The following PCDH7 variants were observed in gnomAD, a reference collection of about 807,000 sequenced individuals.
PCDH7 encodes protocadherin 7.
PCDH7 carries 17 observed loss-of-function variants against 58.9 expected under a neutral mutation model. The ratio of observed to expected loss-of-function variants is 0.29; its 90% CI spans 0.20 to 0.43. The LOEUF (loss-of-function observed/expected upper bound fraction) is 0.43. Ranked by LOEUF, PCDH7 falls within the 20% of genes least tolerant of loss-of-function variation. The pLI, the probability that PCDH7 is intolerant of heterozygous loss-of-function variation, is 1.00. For missense variants in PCDH7, 1,274 were observed against 1,441.0 expected (o/e 0.88, Z 1.88); for synonymous variants, 664 against 616.4 (o/e 1.08, Z -1.14).
chr4:30,822,130 C>T (rs989066408), intron 1 of PCDH7, among the ~76,000 whole-genome samples: 1 of 151,960 alleles, frequency 6.6e-6, no homozygotes, highest in South Asian at 2.1e-4. Flanking sequence ...CCTCTCTCTT[C>T]CAGGCATGAC....
At chr4:30,755,809 G>A (rs550685579) in intron 1 of PCDH7, among the ~76,000 whole-genome samples, 11 of 152,142 alleles carry the variant, frequency 7.2e-5, no homozygotes, top group South Asian at 4.1e-4. Flanking sequence ...GGCCAGGTGC[G>A]GTGGCTCACA....
intron 3 of PCDH7, among the ~76,000 whole-genome samples, chr4:31,067,631 A>G (rs1201334350): frequency 6.6e-6 from 1 of 151,946 alleles, no homozygotes; most frequent in Non-Finnish European, 1.5e-5. Flanking sequence ...GACCAGGAAG[A>G]ATATAAATAT....
intron 1 of PCDH7, among the ~76,000 whole-genome samples, chr4:30,797,523 C>G (rs1724954089): frequency 6.6e-6 from 1 of 152,180 alleles, no homozygotes; most frequent in Non-Finnish European, 1.5e-5. Flanking sequence ...ATCTGCCCGC[C>G]TCGGTCTCCC....
At chr4:30,770,738 T>C (rs1024849979) in intron 1 of PCDH7, among the ~76,000 whole-genome samples, 9 of 152,132 alleles carry the variant, frequency 5.9e-5, no homozygotes, top group African/African-American at 2.2e-4. Flanking sequence ...AACTGGAAAA[T>C]TGAACAAAAA....
intron 1 of PCDH7, among the ~76,000 whole-genome samples, chr4:30,811,498 G>T (rs1727006255): frequency 1.3e-5 from 2 of 152,122 alleles, no homozygotes; most frequent in South Asian, 4.1e-4. Context: ...CTAATGAAGT[G>T]CTATGGAAAA....
intron 1 of PCDH7, among the ~76,000 whole-genome samples, chr4:30,821,462 A>G (rs904621142): frequency 6.6e-6 from 1 of 152,212 alleles, no homozygotes; most frequent in African/African-American, 2.4e-5. Flanking sequence ...GCTTGGCACA[A>G]TGTCCAGAAA....
intron 3 of PCDH7, among the ~76,000 whole-genome samples, chr4:31,085,837 T>TTC (rs376691150): frequency 0.078 from 11,290 of 145,244 alleles, 612 homozygotes; most frequent in South Asian, 0.18. Flanking sequence ...TCAGACTCTT[T>TTC]TCTCTCTCTC....
chr4:30,743,562 T>C (rs1478671053), intron 1 of PCDH7, among the ~76,000 whole-genome samples: 3 of 152,118 alleles, frequency 2.0e-5, no homozygotes, highest in African/African-American at 7.2e-5. Context: ...GGAATATAGA[T>C]AGGAAGTTGT....
At chr4:30,832,016 C>A (rs1260779162) in intron 1 of PCDH7, among the ~76,000 whole-genome samples, 4 of 152,114 alleles carry the variant, frequency 2.6e-5, no homozygotes, top group Non-Finnish European at 5.9e-5. Context: ...TTAAACGATT[C>A]TCAAAAAGTA....
chr4:31,136,220 T>C (rs1219529296), intron 3 of PCDH7, among the ~76,000 whole-genome samples: 1 of 152,200 alleles, frequency 6.6e-6, no homozygotes, highest in Non-Finnish European at 1.5e-5. Context: ...TATGACCTAC[T>C]ATTTACTGAA....
chr4:31,121,172 T>C (rs1371639826), intron 3 of PCDH7, among the ~76,000 whole-genome samples: 2 of 152,216 alleles, frequency 1.3e-5, no homozygotes, highest in African/African-American at 4.8e-5. Flanking sequence ...TTGCACATTG[T>C]CTTCATTTTT....
intron 1 of PCDH7, among the ~76,000 whole-genome samples, chr4:30,845,637 A>G (rs1046678402): frequency 1.2e-4 from 18 of 152,268 alleles, no homozygotes; most frequent in African/African-American, 3.4e-4. Flanking sequence ...TACTTCTGTC[A>G]TCCAGGCTGG....
intron 3 of PCDH7, among the ~76,000 whole-genome samples, chr4:31,009,481 G>A (rs1381699214): frequency 2.6e-5 from 4 of 151,994 alleles, no homozygotes; most frequent in East Asian, 3.9e-4. Flanking sequence ...ACACAGTACC[G>A]GCCAAGAGTC....
rs543728696 is a variant in PCDH7 at position 31,050,578 on chromosome 4, C to T, written c.*8-91895C>T. On this transcript the variant is annotated intron_variant, in intron 3 of 3. Coordinates refer to the PCDH7 transcript ENST00000509759. ...GCCCTTGTTCAAGTATTGATTAGGC[C>T]TGTGGACATTAATGACAATAATGTG... 9.9e-5 allele frequency among the ~76,000 whole-genome samples: 15 copies of T among 152,084 alleles called. No individual in the cohort carries two copies. The South Asian group carries it at 3.1e-3, about 32-fold the overall frequency.
At chr4:31,061,803 G>A (rs145902923) in intron 3 of PCDH7, among the ~76,000 whole-genome samples, 59 of 151,808 alleles carry the variant, frequency 3.9e-4, no homozygotes, top group African/African-American at 1.3e-3. Context: ...ATGATTGCTG[G>A]TTTGACTGAG....
chr4:30,758,779 C>T (rs1719645077), intron 1 of PCDH7, among the ~76,000 whole-genome samples: 1 of 151,972 alleles, frequency 6.6e-6, no homozygotes, highest in Non-Finnish European at 1.5e-5. Flanking sequence ...TTATATACTG[C>T]TTAATTTGGA....
intron 3 of PCDH7, among the ~76,000 whole-genome samples, chr4:31,140,640 T>A (rs1578904434): frequency 6.8e-6 from 1 of 147,138 alleles, no homozygotes; most frequent in East Asian, 2.0e-4. Context: ...GAAAAAAGGA[T>A]CCCAAAATAG....
intron 3 of PCDH7, among the ~76,000 whole-genome samples, chr4:31,024,417 C>T (rs1403229441): frequency 6.6e-6 from 1 of 152,062 alleles, no homozygotes; most frequent in East Asian, 1.9e-4. Flanking sequence ...ATTAGGCTCT[C>T]CTTAAAAATG....
At position 31,069,868 on chromosome 4, in the gene PCDH7, C is replaced by CATTTAATGG. The variant is rs879870496; in HGVS notation, c.*8-72605_*8-72604insATTTAATGG. ...TATATATAAATTAATCTCAAATTTT[C>CATTTAATGG]TCCACTTGATTCATTTGATGGTTCT... On this transcript the variant is annotated intron_variant, in intron 3 of 3. Transcript: ENST00000509759. Among the ~76,000 whole-genome samples, 8 of 151,228 alleles carry CATTTAATGG rather than the reference C, an allele frequency of 5.3e-5. No homozygotes were observed. The Admixed American group carries it at 5.3e-4, about 10-fold the overall frequency.
Sources: gnomAD v4.1 joint callset for allele counts (sites outside exome capture counted in the v4.1 genomes callset) on GRCh38, gnomAD v4.1.1 for gene constraint, MANE v1.5 for transcripts, NCBI Gene and HGNC (gene_info 2026-07-23, HGNC 2026-07-21) for gene names.